The following ADGRB3 variants were observed in gnomAD, a reference collection of about 807,000 sequenced individuals.
ADGRB3 encodes adhesion G protein-coupled receptor B3, also known as brain-specific angiogenesis inhibitor 3.
ADGRB3 carries 37 observed loss-of-function variants against 193.4 expected under a neutral mutation model. The observed-to-expected ratio is 0.19, with a 90% CI of 0.15 to 0.25. ADGRB3 has a LOEUF of 0.25. Ranked by LOEUF, ADGRB3 falls within the 10% of genes least tolerant of loss-of-function variation. The pLI, the probability that ADGRB3 is intolerant of heterozygous loss-of-function variation, is 1.00. For missense variants in ADGRB3, 1,637 were observed against 1,852.9 expected (o/e 0.88, Z 2.14); for synonymous variants, 690 against 644.2 (o/e 1.07, Z -1.08).
intron 3 of ADGRB3, among the ~76,000 whole-genome samples, chr6:68,755,379 G>T (rs1259634321): frequency 2.0e-5 from 3 of 152,128 alleles, no homozygotes. Flanking sequence ...TGGGCAGGAA[G>T]AAGTGCCTCT....
rs187640486 is a variant in ADGRB3 at position 68,659,556 on chromosome 6, A to G, written c.757+20124A>G. Among the ~76,000 whole-genome samples the G allele has an allele frequency of 1.5e-3, 227 of 151,060 alleles. 3 individuals are homozygous for G. Among genetic ancestry groups the G allele is most frequent in the African/African-American group, 5.2e-3 (216 of 41,434 alleles). ...ATGACTTTTATTGATTTTTTAATGT[A>G]ATTTGTAACTATTACATTTATATTA... is the stretch of plus-strand genomic sequence containing the variant. On this transcript the variant is annotated intron_variant, in intron 3 of 31. Coordinates refer to ENST00000370598, the MANE Select transcript of ADGRB3 (RefSeq NM_001704.3).
chr6:68,916,238 A>C (rs1480679455), intron 3 of ADGRB3, among the ~76,000 whole-genome samples: 4 of 152,216 alleles, frequency 2.6e-5, no homozygotes, highest in African/African-American at 9.6e-5. Flanking sequence ...ACATACAATT[A>C]CTAAAATTAA....
At chr6:69,214,917 A>G (rs1162910807) in intron 17 of ADGRB3, among the ~76,000 whole-genome samples, 5 of 152,080 alleles carry the variant, frequency 3.3e-5, no homozygotes, top group Admixed American at 1.3e-4. Context: ...AACATCATCT[A>G]GTGAGGAACA....
chr6:68,700,552 T>C (rs935478387), intron 3 of ADGRB3, among the ~76,000 whole-genome samples: 1 of 152,134 alleles, frequency 6.6e-6, no homozygotes, highest in Non-Finnish European at 1.5e-5. Context: ...TTATTTGTAA[T>C]GTGTTTTCCC....
chr6:68,825,949 T>C (rs1767835418), intron 3 of ADGRB3, among the ~76,000 whole-genome samples: 1 of 152,144 alleles, frequency 6.6e-6, no homozygotes, highest in Non-Finnish European at 1.5e-5. Flanking sequence ...CAATAACTTC[T>C]TAGGACCTAA....
intron 10 of ADGRB3, among the ~76,000 whole-genome samples, 162 bp downstream of exon 10, chr6:68,975,502 A>G (rs1045937385): frequency 6.6e-6 from 1 of 152,216 alleles, no homozygotes; most frequent in Non-Finnish European, 1.5e-5. Context: ...TTTATAGGTC[A>G]GTGCTAAATT....
intron 3 of ADGRB3, among the ~76,000 whole-genome samples, chr6:68,919,738 T>A (rs985240891): frequency 6.6e-6 from 1 of 152,164 alleles, no homozygotes; most frequent in Non-Finnish European, 1.5e-5. Flanking sequence ...GAAAGAATCA[T>A]GATGAACGTG....
intron 19 of ADGRB3, among the ~76,000 whole-genome samples, 186 bp downstream of exon 19, chr6:69,235,321 A>G (rs1156824820): frequency 1.3e-5 from 2 of 152,036 alleles, no homozygotes; most frequent in Non-Finnish European, 2.9e-5. Context: ...TTTCCTGTAT[A>G]TTTGCCTGAG....
chr6:68,780,850 ATTAAC>A (rs1766839139), intron 3 of ADGRB3, among the ~76,000 whole-genome samples: 1 of 152,170 alleles, frequency 6.6e-6, no homozygotes, highest in Non-Finnish European at 1.5e-5. Context: ...GTACACATCT[ATTAAC>A]TACAGACTTT....
In ADGRB3 at chr6:69,074,730, A is replaced by G. The variant is rs193125767; in HGVS notation, c.2437-1265A>G. Among the ~76,000 whole-genome samples, 93 of 151,856 alleles carry G rather than the reference A, an allele frequency of 6.1e-4. 3 individuals carry two copies. The highest frequency in any genetic ancestry group is 4.4e-5 in the Non-Finnish European group (3 of 67,908). The stretch of plus-strand genomic sequence containing the variant: ...CTGCTAATTTTTTTGTATTTTTAGT[A>G]CAGACGGGGTTTCACTGTGTTAGCC... On this transcript the variant is annotated intron_variant, in intron 16 of 31. Transcript: ENST00000370598.
chr6:68,786,419 C>A (rs1406498576), intron 3 of ADGRB3, among the ~76,000 whole-genome samples: 1 of 152,030 alleles, frequency 6.6e-6, no homozygotes, highest in Admixed American at 6.6e-5. Flanking sequence ...GAATCCTTTC[C>A]CCATTTCTTG....
intron 3 of ADGRB3, among the ~76,000 whole-genome samples, chr6:68,674,935 G>C (rs1049673504): frequency 6.6e-6 from 1 of 152,184 alleles, no homozygotes; most frequent in Non-Finnish European, 1.5e-5. Context: ...CTGGAGTATA[G>C]GGTGTGGATC....
intron 3 of ADGRB3, among the ~76,000 whole-genome samples, chr6:68,820,816 A>C (rs1767735460): frequency 6.6e-6 from 1 of 152,070 alleles, no homozygotes; most frequent in Non-Finnish European, 1.5e-5. Flanking sequence ...TGTGCCTGGA[A>C]TAGTTCTGGA....
intron 3 of ADGRB3, among the ~76,000 whole-genome samples, chr6:68,689,600 A>AGAG (rs1491547807): frequency 6.6e-6 from 1 of 152,194 alleles, no homozygotes; most frequent in Non-Finnish European, 1.5e-5. Context: ...TCCATGAAAA[A>AGAG]GAGAGCAAAA....
At chr6:68,901,030 T>TAC (rs565131977) in intron 3 of ADGRB3, among the ~76,000 whole-genome samples, 26 of 152,312 alleles carry the variant, frequency 1.7e-4, no homozygotes, top group Middle Eastern at 6.8e-3. Context: ...CCATGAGCCC[T>TAC]ACTTCTTTTC....
At position 68,901,178 on chromosome 6, in the gene ADGRB3, G is replaced by C. The variant is rs148905655; in HGVS notation, c.758-29381G>C. ...ACTTAGCTGCATACCTCTGCTTCAA[G>C]GCCTTTCAAGAGGTTGCCTTTGGCC... On this transcript the variant is annotated intron_variant, in intron 3 of 31. Transcript: ENST00000370598. Among the ~76,000 whole-genome samples the C allele has an allele frequency of 6.0e-3, 908 of 152,146 alleles. 11 individuals carry two copies. The highest frequency in any genetic ancestry group is 0.02 in the African/African-American group (848 of 41,520).
At chr6:68,701,850 C>G (rs569338087) in intron 3 of ADGRB3, among the ~76,000 whole-genome samples, 1 of 152,260 alleles carries the variant, frequency 6.6e-6, no homozygotes, top group South Asian at 2.1e-4. Flanking sequence ...GAAACATCTT[C>G]CTTTTTAATA....
intron 17 of ADGRB3, among the ~76,000 whole-genome samples, chr6:69,080,665 A>T (rs1417224349): frequency 6.6e-6 from 1 of 151,970 alleles, no homozygotes; most frequent in Non-Finnish European, 1.5e-5. Context: ...ATGAAAAAAA[A>T]AAGTCTGTAT....
chr6:69,264,182 T>G (rs1016631538), intron 20 of ADGRB3, among the ~76,000 whole-genome samples: 2 of 151,960 alleles, frequency 1.3e-5, no homozygotes, highest in Non-Finnish European at 2.9e-5. Context: ...ATTTACAAGG[T>G]GAGAAGGAAA....
Sources: gnomAD v4.1 joint callset for allele counts (sites outside exome capture counted in the v4.1 genomes callset) on GRCh38, gnomAD v4.1.1 for gene constraint, MANE v1.5 for transcripts, NCBI Gene and HGNC (gene_info 2026-07-23, HGNC 2026-07-21) for gene names.